Variants in STT3B observed in about 807,000 individuals in gnomAD.
STT3B encodes dolichyl-diphosphooligosaccharide--protein glycosyltransferase subunit STT3B.
Under a neutral mutation model 96.8 loss-of-function variants are expected in STT3B, and 29 were observed. The observed-to-expected ratio is 0.30, with a 90% confidence interval of 0.22 to 0.41. The LOEUF (loss-of-function observed/expected upper bound fraction) is 0.41. STT3B is among the 10% of genes least tolerant of loss of function. STT3B has a pLI of 1.00. For synonymous variants in STT3B, 367 were observed against 360.0 expected (o/e 1.02, Z -0.22); for missense variants, 640 against 1,022.3 (o/e 0.63, Z 5.10).
intron 1 of STT3B, among the ~76,000 whole-genome samples, chr3:31,536,472 C>T (rs1697102035): frequency 6.6e-6 from 1 of 152,224 alleles, no homozygotes; most frequent in African/African-American, 2.4e-5. Flanking sequence ...GGTTTCATTT[C>T]TGCAAGTCGT....
At chr3:31,569,172 C>G (rs913500876) in intron 1 of STT3B, among the ~76,000 whole-genome samples, 6 of 152,016 alleles carry the variant, frequency 3.9e-5, no homozygotes, top group African/African-American at 1.4e-4. Flanking sequence ...CCATGCCTGG[C>G]TAATTAAAAA....
intron 11 of STT3B, 107 bp from the exon 12 acceptor site, chr3:31,624,807 C>T: frequency 1.2e-6 from 1 of 804,180 alleles, no homozygotes. Context: ...TAATAACTAC[C>T]ATCCTTAAAA....
At chr3:31,633,779 G>A (rs1699710001) in intron 15 of STT3B, among the ~76,000 whole-genome samples, 1 of 152,020 alleles carries the variant, frequency 6.6e-6, no homozygotes, top group South Asian at 2.1e-4. Flanking sequence ...CTAAAAATTA[G>A]TATTTATATA....
In STT3B at chr3:31,556,628, T is replaced by G. The variant is rs79886447; in HGVS notation, c.315-19768T>G. Among the ~76,000 whole-genome samples, 198 of 152,350 alleles carry G rather than the reference T, an allele frequency of 1.3e-3. 1 individual carries two copies. The highest frequency in any genetic ancestry group is 4.0e-3 in the African/African-American group (167 of 41,582). On this transcript the variant is annotated intron_variant, in intron 1 of 15. Coordinates refer to ENST00000295770, the MANE Select transcript of STT3B (RefSeq NM_178862.3). ...ATGATACCTAATTGTGATTTTTATT[T>G]GCATTTCTCTGATGATTAGTGACGT...
At chr3:31,624,825 G>A (rs1003572673) in intron 11 of STT3B, 89 bp from the exon 12 acceptor site, 1 of 975,044 alleles carries the variant, frequency 1.0e-6, no homozygotes, top group Non-Finnish European at 1.5e-6. Flanking sequence ...AAATCTGAAA[G>A]TATTCAGTGG....
At chr3:31,615,229 T>C in intron 6 of STT3B, 26 bp downstream of exon 6, 1 of 1,522,004 alleles carries the variant, frequency 6.6e-7, no homozygotes, top group Non-Finnish European at 9.1e-7. Context: ...ATTTTCCTTC[T>C]TCTAAAGAAT....
chr3:31,600,287 TG>T (rs1234190195), intron 4 of STT3B, 72 bp from the exon 5 acceptor site: 1 of 609,348 alleles, frequency 1.6e-6, no homozygotes, highest in East Asian at 3.0e-5. Flanking sequence ...GCTCATTGTA[TG>T]TTTAGATTCC....
chr3:31,631,869 T>C (rs541283553), intron 14 of STT3B, among the ~76,000 whole-genome samples: 38 of 152,166 alleles, frequency 2.5e-4, no homozygotes, highest in Admixed American at 1.2e-3. Context: ...ATTTTTTTTT[T>C]CCCCGAGACA....
chr3:31,586,027 C>G (rs1698528072), intron 3 of STT3B, among the ~76,000 whole-genome samples: 1 of 152,052 alleles, frequency 6.6e-6, no homozygotes, highest in Non-Finnish European at 1.5e-5. Context: ...AAAAAGCTGC[C>G]AAGCAGTTTG....
intron 5 of STT3B, among the ~76,000 whole-genome samples, chr3:31,606,675 A>C (rs1559383897): frequency 6.6e-6 from 1 of 152,232 alleles, no homozygotes; most frequent in Non-Finnish European, 1.5e-5. Context: ...GGGCCCTCAA[A>C]GAGAACCTTT....
chr3:31,616,038 A>C (rs1171597296), intron 6 of STT3B, among the ~76,000 whole-genome samples: 1 of 151,960 alleles, frequency 6.6e-6, no homozygotes, highest in Non-Finnish European at 1.5e-5. Context: ...CAGATTAACA[A>C]GAGAAAAGCA....
At chr3:31,595,331 T>TA (rs969341497) in intron 3 of STT3B, among the ~76,000 whole-genome samples, 6 of 152,188 alleles carry the variant, frequency 3.9e-5, no homozygotes, top group African/African-American at 1.2e-4. Context: ...ATACCATACT[T>TA]ACAAAGTCCT....
At chr3:31,602,844 T>C (rs1001714101) in intron 5 of STT3B, among the ~76,000 whole-genome samples, 3 of 152,120 alleles carry the variant, frequency 2.0e-5, no homozygotes, top group Non-Finnish European at 2.9e-5. Context: ...CTTTTACTTA[T>C]AATTATCCAG....
At chr3:31,561,850 C>CTG (rs1467305646) in intron 1 of STT3B, among the ~76,000 whole-genome samples, 3 of 151,692 alleles carry the variant, frequency 2.0e-5, no homozygotes, top group Non-Finnish European at 2.9e-5. Flanking sequence ...GGTATTGATT[C>CTG]TGTGTGTGTG....
intron 1 of STT3B, among the ~76,000 whole-genome samples, chr3:31,552,498 T>TA (rs1342209835): frequency 6.6e-6 from 1 of 152,102 alleles, no homozygotes; most frequent in Admixed American, 6.5e-5. Context: ...AACTTATACT[T>TA]ACTACATTGC....
intron 1 of STT3B, among the ~76,000 whole-genome samples, chr3:31,535,350 A>G (rs1324384499): frequency 6.9e-6 from 1 of 144,716 alleles, no homozygotes; most frequent in South Asian, 2.2e-4. Flanking sequence ...TTTTTTTTTT[A>G]GTGTAGCTAA....
intron 13 of STT3B, among the ~76,000 whole-genome samples, chr3:31,627,280 C>T (rs1195871420): frequency 6.6e-6 from 1 of 152,144 alleles, no homozygotes; most frequent in African/African-American, 2.4e-5. Context: ...CAAACCCTAT[C>T]GTGAACTGCG....
intron 3 of STT3B, among the ~76,000 whole-genome samples, chr3:31,592,112 A>C (rs768396806): frequency 6.6e-6 from 1 of 152,134 alleles, no homozygotes; most frequent in Non-Finnish European, 1.5e-5. Flanking sequence ...ATTAAACAAT[A>C]TCTCTCCTTT....
intron 1 of STT3B, among the ~76,000 whole-genome samples, chr3:31,546,563 C>T (rs1284328764): frequency 6.6e-6 from 1 of 152,180 alleles, no homozygotes; most frequent in Non-Finnish European, 1.5e-5. Context: ...TCTCAAAATA[C>T]ACACAGACCT....
Sources: gnomAD v4.1 joint callset for allele counts (sites outside exome capture counted in the v4.1 genomes callset) on GRCh38, gnomAD v4.1.1 for gene constraint, MANE v1.5 for transcripts, NCBI Gene and HGNC (gene_info 2026-07-23, HGNC 2026-07-21) for gene names.